ERBB4: variants seen among roughly 807,000 people sequenced by gnomAD.
ERBB4 encodes the protein erb-b2 receptor tyrosine kinase 4.
A neutral mutation model predicts 158.0 loss-of-function variants in ERBB4; 42 were observed. The ratio of observed to expected loss-of-function variants is 0.27; its 90% CI spans 0.21 to 0.34. ERBB4 has a LOEUF of 0.34. Ranked by LOEUF, ERBB4 falls within the 10% of genes least tolerant of loss-of-function variation. The probability of loss-of-function intolerance (pLI) is 1.00; values close to 1 mark genes in which losing one functional copy is unlikely to be tolerated. For missense variants in ERBB4, 1,333 were observed against 1,624.1 expected (o/e 0.82, Z 3.08); for synonymous variants, 583 against 558.7 (o/e 1.04, Z -0.61).
intron 19 of ERBB4, among the ~76,000 whole-genome samples, chr2:211,576,709 T>G (rs2067903543): frequency 6.6e-6 from 1 of 152,084 alleles, no homozygotes; most frequent in African/African-American, 2.4e-5. Context: ...GTCTTTAAAA[T>G]TTAGTATAAA....
At chr2:211,984,570 A>C (rs2081890130) in intron 2 of ERBB4, among the ~76,000 whole-genome samples, 2 of 152,162 alleles carry the variant, frequency 1.3e-5, no homozygotes, top group Admixed American at 6.5e-5. Flanking sequence ...CTGAAGGCAG[A>C]AATTCAGGTT....
intron 13 of ERBB4, among the ~76,000 whole-genome samples, chr2:211,676,325 T>A (rs868624312): frequency 3.3e-5 from 5 of 152,112 alleles, no homozygotes; most frequent in Non-Finnish European, 7.4e-5. Context: ...CAAAATACAT[T>A]AAAAACTAAG....
intron 1 of ERBB4, among the ~76,000 whole-genome samples, chr2:212,192,043 TA>T (rs2082277097): frequency 9.0e-4 from 2 of 2,216 alleles, no homozygotes; most frequent in Admixed American, 4.9e-3. Context: ...ATATGTTATA[TA>T]TATGTTATAT....
chr2:212,142,827 C>T (rs1388886191), intron 1 of ERBB4, among the ~76,000 whole-genome samples: 3 of 151,644 alleles, frequency 2.0e-5, no homozygotes, highest in South Asian at 2.1e-4. Flanking sequence ...CAAAATGTTA[C>T]GCTGCCAGAA....
intron 1 of ERBB4, among the ~76,000 whole-genome samples, chr2:212,189,668 C>T (rs148421102): frequency 4.3e-4 from 65 of 152,308 alleles, no homozygotes; most frequent in Admixed American, 8.5e-4. Context: ...ATATATACTA[C>T]AAAAACATTA....
intron 1 of ERBB4, among the ~76,000 whole-genome samples, chr2:212,225,553 T>C (rs2083443714): frequency 6.6e-6 from 1 of 151,976 alleles, no homozygotes; most frequent in Non-Finnish European, 1.5e-5. Flanking sequence ...TCATTCGGCA[T>C]GAGAATATCT....
At chr2:212,326,329 T>G (rs568870945) in intron 1 of ERBB4, among the ~76,000 whole-genome samples, 3 of 150,742 alleles carry the variant, frequency 2.0e-5, no homozygotes, top group Non-Finnish European at 4.5e-5. Context: ...ATACAATACA[T>G]TTTAAAGTTA....
chr2:212,199,995 C>T (rs1281761872), intron 1 of ERBB4, among the ~76,000 whole-genome samples: 4 of 152,162 alleles, frequency 2.6e-5, no homozygotes, highest in Non-Finnish European at 2.9e-5. Flanking sequence ...GTAACTAGAA[C>T]TGAAGAATTT....
chr2:211,973,351 G>A (rs886999929), intron 2 of ERBB4, among the ~76,000 whole-genome samples: 19 of 151,910 alleles, frequency 1.3e-4, no homozygotes, highest in Non-Finnish European at 1.5e-4. Flanking sequence ...ACAGGTGCCC[G>A]CCACCACACC....
intron 1 of ERBB4, among the ~76,000 whole-genome samples, chr2:212,187,350 C>A (rs1043697938): frequency 1.3e-5 from 2 of 151,630 alleles, no homozygotes; most frequent in African/African-American, 4.8e-5. Context: ...GTGCAGCACA[C>A]CAGCATGGCA....
intron 19 of ERBB4, among the ~76,000 whole-genome samples, chr2:211,594,452 A>AC (rs556920173): frequency 4.7e-4 from 71 of 151,972 alleles, no homozygotes; most frequent in African/African-American, 1.6e-3. Context: ...AAAAATAACA[A>AC]ATAAAAAAAA....
chr2:212,374,022 A>G (rs966159415), intron 1 of ERBB4, among the ~76,000 whole-genome samples: 2 of 80,654 alleles, frequency 2.5e-5, no homozygotes, highest in African/African-American at 7.1e-5. Context: ...ATATATATCC[A>G]TATATATATA....
chr2:212,044,622 T>A (rs2077215034), intron 2 of ERBB4, among the ~76,000 whole-genome samples: 1 of 152,210 alleles, frequency 6.6e-6, no homozygotes, highest in African/African-American at 2.4e-5. Context: ...TTCTGAAGAC[T>A]GTATAAATTC....
At chr2:211,733,496 G>A (rs1043907821) in intron 5 of ERBB4, among the ~76,000 whole-genome samples, 2 of 147,004 alleles carry the variant, frequency 1.4e-5, no homozygotes, top group Non-Finnish European at 2.9e-5. Context: ...ATTGAGGTCT[G>A]CACCTTAAAA....
At chr2:212,300,241 A>T (rs2086568765) in intron 1 of ERBB4, among the ~76,000 whole-genome samples, 1 of 151,582 alleles carries the variant, frequency 6.6e-6, no homozygotes, top group African/African-American at 2.4e-5. Context: ...CTTCTGCTGA[A>T]CAGTCCCCTG....
intron 3 of ERBB4, among the ~76,000 whole-genome samples, chr2:211,828,756 A>C (rs72931603): frequency 6.6e-6 from 1 of 152,076 alleles, no homozygotes; most frequent in African/African-American, 2.4e-5. Flanking sequence ...CCCACGGTCT[A>C]CATCTAGAGT....
At chr2:212,320,328 TA>T (rs142368760) in intron 1 of ERBB4, among the ~76,000 whole-genome samples, 7,186 of 145,186 alleles carry the variant, frequency 0.049, 653 homozygotes, top group African/African-American at 0.17. Context: ...CTTTTTTTTT[TA>T]CTTCTTCTTC....
chr2:211,445,703 C>T (rs751785702), intron 20 of ERBB4, among the ~76,000 whole-genome samples: 16 of 152,080 alleles, frequency 1.1e-4, no homozygotes, highest in Non-Finnish European at 2.4e-4. Flanking sequence ...CAAGAGTGAA[C>T]AAGGATTTGA....
intron 20 of ERBB4, among the ~76,000 whole-genome samples, chr2:211,437,791 T>A (rs1403636921): frequency 6.6e-6 from 1 of 152,112 alleles, no homozygotes; most frequent in Non-Finnish European, 1.5e-5. Context: ...GAAGCTTTCG[T>A]AATAACAGGA....
Sources: allele counts gnomAD v4.1 joint callset (sites outside exome capture counted in the v4.1 genomes callset), GRCh38; gene constraint gnomAD v4.1.1; transcripts MANE v1.5; gene names NCBI Gene and HGNC (gene_info 2026-07-23, HGNC 2026-07-21).